ITGB7: variants seen among roughly 807,000 people sequenced by gnomAD.
The protein encoded by ITGB7 is integrin beta-7.
Under a neutral mutation model 83.4 loss-of-function variants are expected in ITGB7, and 55 were observed. The observed-to-expected ratio is 0.66, with a 90% confidence interval of 0.53 to 0.83. The LOEUF (loss-of-function observed/expected upper bound fraction) is 0.83. ITGB7 is among the 40% of genes least tolerant of loss of function. ITGB7 has a pLI of 0.00. For synonymous variants in ITGB7, 454 were observed against 423.6 expected (o/e 1.07, Z -0.88); for missense variants, 921 against 1,046.7 (o/e 0.88, Z 1.66).
In ITGB7 at chr12:53,196,672, G is replaced by A. The variant is rs1168240787; in HGVS notation, c.723C>T (p.Ala241=). The stretch of plus-strand genomic sequence containing the variant: ...TCTGGCGCCCCACCTCCCGCTCGAA[G>A]GCTTGTGCGTCCCCCGTCAGGGACA... ...HVLSLTGDAQ[A]FEREVGRQSV... The change falls in exon 6 of 16, where the codon GCC becomes GCT. Residue 241 remains alanine, a synonymous_variant. Coordinates refer to ENST00000267082, the MANE Select transcript of ITGB7 (RefSeq NM_000889.3). 6.2e-7 allele frequency: 1 copy of A among 1,611,962 alleles called. No individual in the cohort carries two copies. The highest frequency in any genetic ancestry group is 1.7e-5 in the Admixed American group (1 of 59,626).
At position 53,191,476 on chromosome 12, in the gene ITGB7, A is replaced by G; in HGVS notation, c.*80T>C. The stretch of plus-strand genomic sequence containing the variant: ...TGAATTAGTCCCCTACCAAGGTCTT[A>G]CAGACCCACCCTTCCTCTCACCCTC... On this transcript the variant is annotated 3_prime_UTR_variant, in exon 16 of 16. Transcript: ENST00000267082. 8.7e-7 allele frequency: 1 copy of G among 1,151,868 alleles called. No homozygotes were observed. The highest frequency in any genetic ancestry group is 1.7e-5 in the Admixed American group (1 of 59,316). 71.4% of individuals were successfully genotyped at this position (1,151,868 alleles called of 1,614,324 possible).
rs61757102 is a variant in ITGB7, at chr12:53,197,850, G to C, written c.303C>G (p.Gly101=). Residue 101 remains glycine, a synonymous_variant, in exon 4 of 16, where the codon GGC becomes GGG. Coordinates refer to ENST00000267082, the MANE Select transcript of ITGB7 (RefSeq NM_000889.3). ...GCTGGTCCTGCAGCACCTCCTGCTGGCCGCGGGGCTCCTCCAGCTCCTCCA... is the reference window on the plus strand; with the variant it reads ...GCTGGTCCTGCAGCACCTCCTGCTGCCCGCGGGGCTCCTCCAGCTCCTCCA... ...CPLEELEEPR[G]QQEVLQDQPL... is the part of the protein sequence containing the mutation. 6.5e-7 allele frequency: 1 copy of C among 1,531,414 alleles called. No homozygotes were observed. The highest frequency in any genetic ancestry group is 8.7e-7 in the Non-Finnish European group (1 of 1,144,754). The allele number at this position is 1,531,414 out of a possible 1,614,324, so 94.9% of individuals were successfully genotyped here. A position where few individuals can be genotyped will look rare whatever the true frequency, so the allele number is the denominator to read the frequency against.
Position 53,191,958 on chromosome 12 carries a change from C to G in ITGB7, c.2217G>C (p.Gly739=), listed in dbSNP as rs1941968358. 1.2e-6 allele frequency: 2 copies of G among 1,611,982 alleles called. No individual in the cohort carries two copies. The highest frequency in any genetic ancestry group is 1.7e-5 in the Admixed American group (1 of 60,018). Residue 739 remains glycine, a synonymous_variant, in exon 15 of 16, where the codon GGG becomes GGC. Transcript: ENST00000267082. ...LGCVGGIVAV[G]LGLVLAYRLS... ...GCCGGTAAGCCAGGACCAGCCCCAGCCCCACTGCCACGATGCCCCCTACGC... is the reference window on the plus strand; with the variant it reads ...GCCGGTAAGCCAGGACCAGCCCCAGGCCCACTGCCACGATGCCCCCTACGC...
At position 53,192,482 on chromosome 12, in the gene ITGB7, G is replaced by A; in HGVS notation, c.2003C>T (p.Thr668Ile). ...GGTCACATTGGTATGGGCACAAGCTGTACTGCAGTTGGTGGCCAGTGGGCC... is the reference window on the plus strand; with the variant it reads ...GGTCACATTGGTATGGGCACAAGCTATACTGCAGTTGGTGGCCAGTGGGCC... ...RTGPLATNCS[T>I]ACAHTNVTLA... The change falls in exon 14 of 16, where the codon ACA becomes ATA. Residue 668 changes from threonine (T) to isoleucine (I), a missense_variant. By Grantham distance (89) the Thr-to-Ile change is moderately conservative. Transcript: ENST00000267082. 5 of 1,614,202 alleles carry A rather than the reference G, an allele frequency of 3.1e-6. No homozygotes were observed. Among genetic ancestry groups the A allele is most frequent in the Non-Finnish European group, 4.2e-6 (5 of 1,180,048 alleles).
intron 11 of ITGB7, 159 bp downstream of exon 11, chr12:53,193,549 G>C (rs1402710776): frequency 3.9e-6 from 3 of 762,242 alleles, no homozygotes; most frequent in African/African-American, 3.5e-5. Context: ...CAGGGGGAGG[G>C]CCTGGACATA....
chr12:53,193,074 TC>T (rs1046507650), intron 12 of ITGB7, 65 bp downstream of exon 12: 7 of 1,469,530 alleles, frequency 4.8e-6, no homozygotes, highest in Non-Finnish European at 6.6e-6. Context: ...GCCAGGAGAT[TC>T]CCAGAGCCTA....
In ITGB7 at chr12:53,191,481, C is replaced by T; in HGVS notation, c.*75G>A. Reference sequence around the variant, plus strand: ...TAGTCCCCTACCAAGGTCTTACAGACCCACCCTTCCTCTCACCCTCCAGTT... The same window carrying T: ...TAGTCCCCTACCAAGGTCTTACAGATCCACCCTTCCTCTCACCCTCCAGTT... On this transcript the variant is annotated 3_prime_UTR_variant, in exon 16 of 16. Coordinates refer to ENST00000267082, the MANE Select transcript of ITGB7 (RefSeq NM_000889.3). The T allele has an allele frequency of 8.3e-7, 1 of 1,201,718 alleles. No individual in the cohort carries two copies. Among genetic ancestry groups the T allele is most frequent in the Non-Finnish European group, 1.2e-6 (1 of 804,672 alleles). 74.4% of individuals were successfully genotyped at this position (1,201,718 alleles called of 1,614,324 possible). A position where few individuals can be genotyped will look rare whatever the true frequency, so the allele number is the denominator to read the frequency against.
In ITGB7 at chr12:53,193,309, G is replaced by T; in HGVS notation, c.1557C>A (p.Ser519=). 5.6e-6 allele frequency: 9 copies of T among 1,610,436 alleles called. No homozygotes were observed. Among genetic ancestry groups the T allele is most frequent in the Non-Finnish European group, 7.6e-6 (9 of 1,177,314 alleles). ...RLCECSVAEL[S]SPDLESGCRA... ...GGCACCCAGATTCCAGGTCTGGGGA[G>T]GACAGCTCTGCCACAGAGCACTCAC... The change falls in exon 12 of 16, where the codon TCC becomes TCA. Residue 519 remains serine (S), a synonymous_variant. Coordinates refer to ENST00000267082, the MANE Select transcript of ITGB7 (RefSeq NM_000889.3).
chr12:53,192,237 C>G (rs1330911802), intron 14 of ITGB7, 93 bp downstream of exon 14: 1 of 1,390,320 alleles, frequency 7.2e-7, no homozygotes, highest in Non-Finnish European at 1.0e-6. Flanking sequence ...GCTTCAGCCC[C>G]CAGCCTGTTT....
At chr12:53,200,179 G>T in intron 3 of ITGB7, 64 bp downstream of exon 3, 1 of 1,358,084 alleles carries the variant, frequency 7.4e-7, no homozygotes, top group Non-Finnish European at 1.0e-6. Context: ...TATCCAGGCT[G>T]CACATACATA....
intron 7 of ITGB7, 104 bp from the exon 8 acceptor site, chr12:53,195,825 A>C: frequency 1.8e-6 from 2 of 1,103,996 alleles, no homozygotes; most frequent in Non-Finnish European, 2.7e-6. Flanking sequence ...CACCAGCTGG[A>C]GGAGCCCTGG....
At position 53,191,445 on chromosome 12, in the gene ITGB7, C is replaced by T. The variant is rs1349251318; in HGVS notation, c.*111G>A. 6 of 860,544 alleles carry T rather than the reference C, an allele frequency of 7.0e-6. No individual in the cohort carries two copies. The highest frequency in any genetic ancestry group is 1.8e-5 in the Admixed American group (1 of 56,718). 53.3% of individuals were successfully genotyped at this position (860,544 alleles called of 1,614,324 possible). On this transcript the variant is annotated 3_prime_UTR_variant, in exon 16 of 16. Transcript: ENST00000267082. ...ATGAAGTAGGGTGGTGGCCGCACCTCGCCAGTGAATTAGTCCCCTACCAAG... is the reference window on the plus strand; with the variant it reads ...ATGAAGTAGGGTGGTGGCCGCACCTTGCCAGTGAATTAGTCCCCTACCAAG...
Position 53,200,264 on chromosome 12 carries a change from G to T in ITGB7, c.180C>A (p.Ser60Arg). ...SCQKCILSHP[S>R]CAWCKQLNFT... ...TTACCAGTTGCTTGCACCATGCACA[G>T]CTGGGGTGTGAGAGGATGCACTTCT... The change falls in exon 3 of 16, where the codon AGC becomes AGA. Residue 60 changes from serine (S) to arginine (R), a missense_variant. By Grantham distance (110) the Ser-to-Arg change is moderately radical. Coordinates refer to ENST00000267082, the MANE Select transcript of ITGB7 (RefSeq NM_000889.3). 1 of 1,614,022 alleles carries T rather than the reference G, an allele frequency of 6.2e-7. No individual in the cohort carries two copies. The highest frequency in any genetic ancestry group is 1.3e-5 in the African/African-American group (1 of 75,048).
chr12:53,193,371 G>C lies in ITGB7; in HGVS notation c.1503-8C>G. 3 of 1,561,578 alleles carry C rather than the reference G, an allele frequency of 1.9e-6. No individual in the cohort carries two copies. Among genetic ancestry groups the C allele is most frequent in the Non-Finnish European group, 2.6e-6 (3 of 1,150,096 alleles). ...AGGCGGCCAGGGGCACAGCTGGAAGGGGAAGGCAAAGGAGAGAAGTAGGTC... is the reference window on the plus strand; with the variant it reads ...AGGCGGCCAGGGGCACAGCTGGAAGCGGAAGGCAAAGGAGAGAAGTAGGTC... On this transcript the variant is annotated splice_polypyrimidine_tract_variant and splice_region_variant and intron_variant, in intron 11 of 15. Transcript: ENST00000267082.
chr12:53,193,638 C>T (rs1942050982), intron 11 of ITGB7, 70 bp downstream of exon 11: 16 of 1,334,874 alleles, frequency 1.2e-5, no homozygotes, highest in South Asian at 8.5e-5. Context: ...TGGAAAGCAG[C>T]GGAGGAATAC....
intron 5 of ITGB7, chr12:53,197,088 A>G (rs1942189849): frequency 5.3e-6 from 3 of 562,074 alleles, no homozygotes; most frequent in Admixed American, 6.2e-5. Flanking sequence ...AGGATATGGT[A>G]GCAGCATGAG....
At chr12:53,199,891 C>G (rs1399598563) in intron 3 of ITGB7, among the ~76,000 whole-genome samples, 2 of 152,174 alleles carry the variant, frequency 1.3e-5, no homozygotes, top group Non-Finnish European at 2.9e-5. Flanking sequence ...TAGTACCTTT[C>G]TCCCATGTTT....
intron 3 of ITGB7, among the ~76,000 whole-genome samples, chr12:53,199,609 T>C (rs1334280173): frequency 1.4e-5 from 2 of 143,592 alleles, no homozygotes; most frequent in African/African-American, 2.6e-5. Context: ...TAGGCTTAGA[T>C]GAGGGCCTAA....
chr12:53,193,597 C>T (rs922163267), intron 11 of ITGB7, 111 bp downstream of exon 11: 7 of 975,592 alleles, frequency 7.2e-6, no homozygotes, highest in Admixed American at 5.7e-5. Context: ...AGTGGGGAGT[C>T]GGGATGTCGA....
Sources: allele counts gnomAD v4.1 joint callset (sites outside exome capture counted in the v4.1 genomes callset), GRCh38; gene constraint gnomAD v4.1.1; transcripts MANE v1.5; gene names NCBI Gene and HGNC (gene_info 2026-07-23, HGNC 2026-07-21).